AFAP1: variants seen among roughly 807,000 people sequenced by gnomAD.
The protein encoded by AFAP1 is actin filament associated protein 1, also known as actin filament-associated protein 1.
In AFAP1, 75 loss-of-function variants were observed where a neutral mutation model predicts 93.9. The observed-to-expected ratio is 0.80, with a 90% CI of 0.66 to 0.97. The LOEUF (loss-of-function observed/expected upper bound fraction) is 0.97, where lower values mean the gene tolerates loss of function less well. Among genes scored for constraint, AFAP1 ranks in the 50% least tolerant of loss-of-function variants. AFAP1 has a pLI of 0.00. For missense variants in AFAP1, 1,201 were observed against 1,050.8 expected, an observed-to-expected ratio of 1.14 and a Z score of -1.98; for synonymous variants, 517 against 430.7, an observed-to-expected ratio of 1.20 and a Z score of -2.48.
At position 7,904,767 on chromosome 4, in the gene AFAP1, C is replaced by T. The variant is rs145964341; in HGVS notation, c.-2-32687G>A. On this transcript the variant is annotated intron_variant, in intron 1 of 17. Transcript: ENST00000420658. ...CTCTGACCAGGCTGGAGTGCAGTGG[C>T]GCGATGATGGTTCACTGCAGCCTTG... is the stretch of plus-strand genomic sequence containing the variant. Among the ~76,000 whole-genome samples the T allele has an allele frequency of 6.7e-3, 1,013 of 152,170 alleles. 2 individuals carry two copies. The highest frequency in any genetic ancestry group is 0.014 in the South Asian group (67 of 4,826).
rs116341182 is a variant in AFAP1 at position 7,894,374 on chromosome 4, C to A, written c.-2-22294G>T. On this transcript the variant is annotated intron_variant, in intron 1 of 17. Coordinates refer to ENST00000420658, the MANE Select transcript of AFAP1 (RefSeq NM_001134647.2). ...AAGCTTGCTTACCTCTGTTCTGGGT[C>A]TTTAGGGGACAAAACTCGAAAAAGG... 5.8e-3 allele frequency among the ~76,000 whole-genome samples: 887 copies of A among 152,252 alleles called. 6 individuals are homozygous for A. Among genetic ancestry groups the A allele is most frequent in the African/African-American group, 0.019 (778 of 41,540 alleles).
chr4:7,838,826 G>T, intron 5 of AFAP1, 123 bp from the exon 6 acceptor site: 2 of 975,424 alleles, frequency 2.1e-6, no homozygotes, highest in Admixed American at 2.2e-5. Flanking sequence ...ATCTGCAGAT[G>T]AGCAGGTTCA....
chr4:7,915,211 G>A lies in AFAP1; in HGVS notation c.-3+24445C>T, dbSNP rs112740796. On this transcript the variant is annotated intron_variant, in intron 1 of 17. Transcript: ENST00000420658. ...TGCTCTAGTTTACATTCCCCCCTAC[G>A]GTGCGTAAGAGTTCCCTTTTCTCCA... Among the ~76,000 whole-genome samples, 708 of 136,600 alleles carry A rather than the reference G, an allele frequency of 5.2e-3. 7 individuals carry two copies. The highest frequency in any genetic ancestry group is 0.02 in the African/African-American group (675 of 34,062). The allele number at this position is 136,600 out of a possible 152,430, so 89.6% of individuals were successfully genotyped here. A position where few individuals can be genotyped will look rare whatever the true frequency, so the allele number is the denominator to read the frequency against.
At chr4:7,917,827 A>G (rs2149232852) in intron 1 of AFAP1, among the ~76,000 whole-genome samples, 1 of 152,274 alleles carries the variant, frequency 6.6e-6, no homozygotes, top group East Asian at 1.9e-4. Flanking sequence ...TGCGTCTTTC[A>G]CTGCACTGCA....
intron 16 of AFAP1, among the ~76,000 whole-genome samples, chr4:7,770,273 G>C (rs1304291857): frequency 1.3e-5 from 2 of 152,212 alleles, no homozygotes; most frequent in Non-Finnish European, 2.9e-5. Flanking sequence ...GGGGCCAGAG[G>C]GAAGCTCGAG....
At chr4:7,917,309 G>C (rs181544907) in intron 1 of AFAP1, among the ~76,000 whole-genome samples, 1 of 152,040 alleles carries the variant, frequency 6.6e-6, no homozygotes, top group Non-Finnish European at 1.5e-5. Flanking sequence ...GTGGGGGTAG[G>C]GGGACTCAAT....
intron 17 of AFAP1, among the ~76,000 whole-genome samples, chr4:7,765,332 G>C (rs16841110): frequency 6.6e-6 from 1 of 152,102 alleles, no homozygotes; most frequent in South Asian, 2.1e-4. Context: ...TGCATCCTGA[G>C]GACCAGGCTT....
intron 1 of AFAP1, among the ~76,000 whole-genome samples, chr4:7,886,245 T>C (rs1161234703): frequency 1.3e-5 from 2 of 152,240 alleles, no homozygotes; most frequent in East Asian, 1.9e-4. Flanking sequence ...ATAACAGTTA[T>C]GTGCCTACCA....
intron 4 of AFAP1, among the ~76,000 whole-genome samples, chr4:7,846,848 T>C (rs1466090800): frequency 6.6e-6 from 1 of 152,178 alleles, no homozygotes; most frequent in Non-Finnish European, 1.5e-5. Flanking sequence ...AAAGGAAGAA[T>C]GAGTCTCGAA....
At chr4:7,893,254 G>A (rs576912507) in intron 1 of AFAP1, among the ~76,000 whole-genome samples, 10 of 152,240 alleles carry the variant, frequency 6.6e-5, no homozygotes, top group African/African-American at 2.2e-4. Context: ...CTGCCTTCAC[G>A]CTCTAAAGTT....
intron 5 of AFAP1, among the ~76,000 whole-genome samples, chr4:7,841,827 G>A (rs1577280247): frequency 6.6e-6 from 1 of 151,224 alleles, no homozygotes; most frequent in Non-Finnish European, 1.5e-5. Flanking sequence ...TTTGAAGGGG[G>A]AAAGCTGGCA....
rs1046049971 is a variant in AFAP1 at position 7,898,814 on chromosome 4, T to A, written c.-2-26734A>T. On this transcript the variant is annotated intron_variant, in intron 1 of 17. Coordinates refer to ENST00000420658, the MANE Select transcript of AFAP1 (RefSeq NM_001134647.2). ...TTCTGTGCTGGGCAGTAGAAGTGTG[T>A]GTGTGTGTGTGTGTGTGTGTGTGTC... 4.0e-5 allele frequency among the ~76,000 whole-genome samples: 6 copies of A among 150,860 alleles called. No individual in the cohort carries two copies. The East Asian group carries it at 5.9e-4, about 15-fold the overall frequency.
At chr4:7,889,551 A>G (rs1718323225) in intron 1 of AFAP1, among the ~76,000 whole-genome samples, 1 of 147,390 alleles carries the variant, frequency 6.8e-6, no homozygotes, top group Non-Finnish European at 1.5e-5. Flanking sequence ...CCAAAAAAAA[A>G]AAAAAAAGAA....
At chr4:7,822,290 G>C (rs904012680) in intron 6 of AFAP1, among the ~76,000 whole-genome samples, 1 of 152,016 alleles carries the variant, frequency 6.6e-6, no homozygotes, top group African/African-American at 2.4e-5. Flanking sequence ...TCAATAACAC[G>C]CACAAAATAA....
intron 1 of AFAP1, among the ~76,000 whole-genome samples, chr4:7,898,619 G>C (rs372829491): frequency 3.4e-5 from 5 of 145,668 alleles, no homozygotes; most frequent in African/African-American, 1.3e-4. Context: ...CATAAGTCTG[G>C]ATTATTTCAA....
Position 7,768,716 on chromosome 4 carries a change from C to T in AFAP1, c.2418+128G>A, listed in dbSNP as rs149351966. The T allele has an allele frequency of 3.3e-5, 39 of 1,187,804 alleles. No homozygotes were observed. The East Asian group carries it at 1.1e-3, about 33-fold the overall frequency. The allele number at this position is 1,187,804 out of a possible 1,614,324, so 73.6% of individuals were successfully genotyped here. A position where few individuals can be genotyped will look rare whatever the true frequency, so the allele number is the denominator to read the frequency against. On this transcript the variant is annotated intron_variant, in intron 17 of 17. Transcript: ENST00000420658. ...TCGATAAGCACCCATTCCCAGATGT[C>T]TACTGAAGGCTGAGTGCCAAGTGGA...
intron 10 of AFAP1, among the ~76,000 whole-genome samples, chr4:7,796,139 C>T (rs1021626653): frequency 9.9e-5 from 15 of 152,098 alleles, no homozygotes; most frequent in Non-Finnish European, 1.9e-4. Flanking sequence ...TCTGGCCCGC[C>T]GGCAGAAGTG....
At chr4:7,809,980 T>C (rs1719868676) in intron 8 of AFAP1, among the ~76,000 whole-genome samples, 1 of 152,176 alleles carries the variant, frequency 6.6e-6, no homozygotes, top group Admixed American at 6.5e-5. Flanking sequence ...CACCTTGGCC[T>C]CCGGAGTAGC....
intron 1 of AFAP1, among the ~76,000 whole-genome samples, chr4:7,930,693 T>C (rs1721017271): frequency 6.6e-6 from 1 of 152,218 alleles, no homozygotes; most frequent in African/African-American, 2.4e-5. Flanking sequence ...TTAGAAGCTC[T>C]GGGCCAAAAA....
Sources: allele counts gnomAD v4.1 joint callset (sites outside exome capture counted in the v4.1 genomes callset), GRCh38; gene constraint gnomAD v4.1.1; transcripts MANE v1.5; gene names NCBI Gene and HGNC (gene_info 2026-07-23, HGNC 2026-07-21).